The following DSC2 variants were observed in gnomAD, a reference collection of about 807,000 sequenced individuals.
DSC2 encodes the protein desmocollin 2.
DSC2 carries 51 observed loss-of-function variants against 87.6 expected under a neutral mutation model. That is an observed-to-expected ratio of 0.58 (90% CI 0.46 to 0.74). DSC2 has a LOEUF of 0.74. DSC2 is among the 30% of genes least tolerant of loss of function. The pLI is 0.00. For synonymous variants in DSC2, 383 were observed against 393.2 expected, an observed-to-expected ratio of 0.97 and a Z score of 0.31; for missense variants, 1,066 against 1,089.5, an observed-to-expected ratio of 0.98 and a Z score of 0.30.
At chr18:31,079,003 A>C (rs1378101983) in intron 11 of DSC2, among the ~76,000 whole-genome samples, 3 of 152,208 alleles carry the variant, frequency 2.0e-5, no homozygotes, top group East Asian at 3.9e-4. Flanking sequence ...ATAATATACT[A>C]TTTATTTACC....
intron 5 of DSC2, among the ~76,000 whole-genome samples, chr18:31,088,564 C>A (rs1598588192): frequency 6.6e-6 from 1 of 152,230 alleles, no homozygotes; most frequent in African/African-American, 2.4e-5. Context: ...ATAATTAATT[C>A]ATCCAAAATA....
chr18:31,070,844 A>T lies in DSC2; in HGVS notation c.2132T>A (p.Leu711Gln). ...AGAAGCCCCACAGACCAGCGTAAAC[A>T]GGATGCCTGGAGGAAGAAAGAAATA... ...LLGIALLFCI[L>Q]FTLVCGASGT... The change falls in exon 14 of 16, where the codon CTG (leucine) becomes CAG (glutamine). Residue 711 changes from leucine to glutamine, a missense_variant. Leu to Gln is a moderately radical substitution (Grantham distance 113). Coordinates refer to ENST00000280904, the MANE Select transcript of DSC2 (RefSeq NM_024422.6). 1 of 1,613,850 alleles carries T rather than the reference A, an allele frequency of 6.2e-7. No individual in the cohort carries two copies. The highest frequency in any genetic ancestry group is 2.2e-5 in the East Asian group (1 of 44,848).
chr18:31,065,675 G>A lies in DSC2; in HGVS notation c.*2340C>T, dbSNP rs1986597443. 6.6e-6 allele frequency: 1 copy of A among 151,846 alleles called. No homozygotes were observed. The highest frequency in any genetic ancestry group is 2.4e-5 in the African/African-American group (1 of 41,414). 9.4% of individuals were successfully genotyped at this position (151,846 alleles called of 1,614,324 possible). A position where few individuals can be genotyped will look rare whatever the true frequency, so the allele number is the denominator to read the frequency against. On this transcript the variant is annotated 3_prime_UTR_variant, in exon 16 of 16. Coordinates refer to ENST00000280904, the MANE Select transcript of DSC2 (RefSeq NM_024422.6). ...AGAAGCCAAGGAAGGGATTGACAGG[G>A]AGAATCTAAAATACACATAATTTTC... is the stretch of plus-strand genomic sequence containing the variant.
Position 31,092,089 on chromosome 18 carries a change from A to G in DSC2, c.354+12T>C. On this transcript the variant is annotated intron_variant, in intron 3 of 15. Coordinates refer to ENST00000280904, the MANE Select transcript of DSC2 (RefSeq NM_024422.6). ...AAAGATATCATTTCTTCATTTATGT[A>G]GCCTTGTATACCTTTGTTTGATGCT... 1 of 1,603,572 alleles carries G rather than the reference A, an allele frequency of 6.2e-7. No homozygotes were observed. Among genetic ancestry groups the G allele is most frequent in the Non-Finnish European group, 8.5e-7 (1 of 1,172,824 alleles).
Position 31,092,110 on chromosome 18 carries a change from A to G in DSC2, c.345T>C (p.His115=). 1 of 1,612,268 alleles carries G rather than the reference A, an allele frequency of 6.2e-7. No individual in the cohort carries two copies. Among genetic ancestry groups the G allele is most frequent in the Non-Finnish European group, 8.5e-7 (1 of 1,179,084 alleles). The change falls in exon 3 of 16, where the codon CAT becomes CAC. Residue 115 remains histidine (H), a synonymous_variant. Coordinates refer to ENST00000280904, the MANE Select transcript of DSC2 (RefSeq NM_024422.6). The part of the protein sequence containing the change: ...EKKKIFVFLE[H]QTKVLKKRHT... Reference sequence around the variant, plus strand: ...ATGTAGCCTTGTATACCTTTGTTTGATGCTCCAAAAAGACAAATATTTTCT... The same window carrying G: ...ATGTAGCCTTGTATACCTTTGTTTGGTGCTCCAAAAAGACAAATATTTTCT...
chr18:31,058,991 A>G lies in DSC2; in HGVS notation c.*9024T>C, dbSNP rs2144763102. 6.6e-6 allele frequency: 1 copy of G among 152,296 alleles called. No homozygotes were observed. The highest frequency in any genetic ancestry group is 2.1e-4 in the South Asian group (1 of 4,834). 9.4% of individuals were successfully genotyped at this position (152,296 alleles called of 1,614,324 possible). Reference sequence around the variant, plus strand: ...CATTTACATAGAACTATGTTCTAGCAATTTTTTAAAGCAGATGAGGAAACT... The same window carrying G: ...CATTTACATAGAACTATGTTCTAGCGATTTTTTAAAGCAGATGAGGAAACT... On this transcript the variant is annotated 3_prime_UTR_variant, in exon 16 of 16. Transcript: ENST00000280904.
chr18:31,101,719 C>G (rs1987964539), intron 1 of DSC2, 184 bp downstream of exon 1: 7 of 625,586 alleles, frequency 1.1e-5, no homozygotes, highest in Admixed American at 2.6e-5. Flanking sequence ...GATCCCAACT[C>G]TCAGGTCGCG....
Position 31,059,855 on chromosome 18 carries a change from C to G in DSC2, c.*8160G>C, listed in dbSNP as rs1046010759. On this transcript the variant is annotated 3_prime_UTR_variant, in exon 16 of 16. Coordinates refer to ENST00000280904, the MANE Select transcript of DSC2 (RefSeq NM_024422.6). ...AAATGATTGCATGATATTCCATCAT[C>G]ATATCACAATAGTGATAGCTGCTGG... The G allele has an allele frequency of 2.6e-5, 4 of 152,170 alleles. No homozygotes were observed. Among genetic ancestry groups the G allele is most frequent in the African/African-American group, 9.6e-5 (4 of 41,462 alleles). 9.4% of individuals were successfully genotyped at this position (152,170 alleles called of 1,614,324 possible).
chr18:31,078,972 A>C (rs1555638507), intron 11 of DSC2, among the ~76,000 whole-genome samples: 1 of 152,138 alleles, frequency 6.6e-6, no homozygotes, highest in Non-Finnish European at 1.5e-5. Context: ...ATGAATTCAT[A>C]GTGTTTGTCT....
chr18:31,081,202 G>A (rs9957298), intron 9 of DSC2, among the ~76,000 whole-genome samples: 31,377 of 152,068 alleles, frequency 0.21, 3,487 homozygotes, highest in South Asian at 0.35. Flanking sequence ...TTTTTAAAAT[G>A]CTTTTAAGAG....
Position 31,091,067 on chromosome 18 carries a change from T to C in DSC2, c.435A>G (p.Leu145=), listed in dbSNP as rs1167062231. 1.2e-6 allele frequency: 2 copies of C among 1,613,972 alleles called. No individual in the cohort carries two copies. The highest frequency in any genetic ancestry group is 1.7e-6 in the Non-Finnish European group (2 of 1,179,962). Residue 145 remains leucine, a synonymous_variant, in exon 4 of 16, where the codon CTA becomes CTG. Transcript: ENST00000280904. ...RRWAPIPCSM[L]ENSLGPFPLF... Reference sequence around the variant, plus strand: ...GTGGAAAAGGACCCAAGGAGTTTTCTAGCATCGAACAAGGAATTGGAGCCC... The same window carrying C: ...GTGGAAAAGGACCCAAGGAGTTTTCCAGCATCGAACAAGGAATTGGAGCCC...
intron 12 of DSC2, among the ~76,000 whole-genome samples, chr18:31,073,656 T>C (rs1986907078): frequency 6.6e-6 from 1 of 152,198 alleles, no homozygotes; most frequent in Admixed American, 6.5e-5. Context: ...TCAGTGGTTC[T>C]AGAGTCACGA....
In DSC2 at chr18:31,092,134, C is replaced by G; in HGVS notation, c.321G>C (p.Lys107Asn). ...GATGCTCCAAAAAGACAAATATTTT[C>G]TTCTTTTCTTGGTTCTCAGTGTTGG... Reference protein sequence around the residue: ...LLSNTENQEKKKIFVFLEHQT... With the variant: ...LLSNTENQEKNKIFVFLEHQT... The change falls in exon 3 of 16, where the codon AAG becomes AAC. Residue 107 changes from lysine to asparagine, a missense_variant. Coordinates refer to ENST00000280904, the MANE Select transcript of DSC2 (RefSeq NM_024422.6). The G allele has an allele frequency of 6.2e-7, 1 of 1,613,018 alleles. No individual in the cohort carries two copies. The highest frequency in any genetic ancestry group is 1.1e-5 in the South Asian group (1 of 91,000).
chr18:31,084,839 A>T (rs756680078), intron 7 of DSC2, among the ~76,000 whole-genome samples: 2 of 152,104 alleles, frequency 1.3e-5, no homozygotes, highest in Non-Finnish European at 2.9e-5. Context: ...AAGCTTGGAA[A>T]ACCTTTATCA....
chr18:31,093,221 C>T (rs1987657951), intron 2 of DSC2, among the ~76,000 whole-genome samples: 1 of 152,132 alleles, frequency 6.6e-6, no homozygotes, highest in South Asian at 2.1e-4. Context: ...TGTTGGTTTG[C>T]TGCACCTATC....
intron 11 of DSC2, among the ~76,000 whole-genome samples, chr18:31,077,961 T>A (rs994634936): frequency 3.3e-5 from 5 of 152,070 alleles, no homozygotes; most frequent in African/African-American, 1.2e-4. Flanking sequence ...GCTTAAGAAA[T>A]ATATATGTTT....
intron 5 of DSC2, among the ~76,000 whole-genome samples, chr18:31,088,666 C>G (rs889205636): frequency 6.6e-6 from 1 of 152,150 alleles, no homozygotes; most frequent in Non-Finnish European, 1.5e-5. Context: ...CATATTAACT[C>G]ACTTTCCAGC....
At chr18:31,101,763 C>CCA in intron 1 of DSC2, 140 bp downstream of exon 1, 3 of 697,942 alleles carry the variant, frequency 4.3e-6, no homozygotes, top group Admixed American at 3.5e-5. Flanking sequence ...CCACCCCCGC[C>CCA]AACTCCATTT....
rs1986683503 is a variant in DSC2 at position 31,068,017 on chromosome 18, A to T, written c.2704T>A (p.Ter902ArgextTer25). ...RTLAEACMKR[*>R] ...TTCAGAGACTTATTAGAACACACTC[A>T]TCTCTTCATGCATGCTTCTGCTAGT... Residue 902 changes from the stop codon to arginine, a stop_lost, in exon 16 of 16, where the codon TGA becomes AGA. Transcript: ENST00000280904. The T allele has an allele frequency of 6.2e-7, 1 of 1,613,670 alleles. No individual in the cohort carries two copies. The highest frequency in any genetic ancestry group is 1.3e-5 in the African/African-American group (1 of 74,906).
Sources: allele counts gnomAD v4.1 joint callset (sites outside exome capture counted in the v4.1 genomes callset), GRCh38; gene constraint gnomAD v4.1.1; transcripts MANE v1.5; gene names NCBI Gene and HGNC (gene_info 2026-07-23, HGNC 2026-07-21).